COL11A2: variants seen among roughly 807,000 people sequenced by gnomAD.
COL11A2 encodes collagen alpha-2(XI) chain.
A neutral mutation model predicts 273.4 loss-of-function variants in COL11A2; 116 were observed. That is an observed-to-expected ratio of 0.42 (90% CI 0.36 to 0.49). The LOEUF (loss-of-function observed/expected upper bound fraction) is 0.49, where lower values mean the gene tolerates loss of function less well. Among genes scored for constraint, COL11A2 ranks in the 20% least tolerant of loss-of-function variants. The pLI, the probability that COL11A2 is intolerant of heterozygous loss-of-function variation, is 0.00. For synonymous variants in COL11A2, 782 were observed against 864.2 expected (o/e 0.90, Z 1.67); for missense variants, 1,866 against 2,309.0 (o/e 0.81, Z 3.93).
At position 33,190,711 on chromosome 6, in the gene COL11A2, C is replaced by T. The variant is rs1395096719; in HGVS notation, c.83-1242G>A. On this transcript the variant is annotated intron_variant, in intron 1 of 65. Coordinates refer to ENST00000341947, the MANE Select transcript of COL11A2 (RefSeq NM_080680.3). The surrounding 1 kb of genome is among the most constrained non-coding windows in gnomAD (Gnocchi z 4.5). ...AACCCCCACCTAAGCCTGGCCCCTG[C>T]GCGTGTGGCAGCTCCGCAAACACCA... is the stretch of plus-strand genomic sequence containing the variant. 1.3e-5 allele frequency among the ~76,000 whole-genome samples: 2 copies of T among 152,192 alleles called. No homozygotes were observed. Among genetic ancestry groups the T allele is most frequent in the African/African-American group, 2.4e-5 (1 of 41,512 alleles).
In COL11A2 at chr6:33,177,892, T is replaced by C. The variant is rs1201359911; in HGVS notation, c.1873-186A>G. The C allele has an allele frequency of 1.3e-6, 1 of 785,334 alleles. No individual in the cohort carries two copies. The highest frequency in any genetic ancestry group is 2.1e-6 in the Non-Finnish European group (1 of 476,640). The allele number at this position is 785,334 out of a possible 1,614,324, so 48.6% of individuals were successfully genotyped here. A position where few individuals can be genotyped will look rare whatever the true frequency, so the allele number is the denominator to read the frequency against. ...ATCTGTGGGCTTGTGGGCTTTGGTT[T>C]TGTTTTTCTTGAAGATTTATTTCCT... is the stretch of plus-strand genomic sequence containing the variant. On this transcript the variant is annotated intron_variant, in intron 21 of 65. Coordinates refer to ENST00000341947, the MANE Select transcript of COL11A2 (RefSeq NM_080680.3). This position sits in a 1 kb window ranked among gnomAD's most constrained non-coding sequence, Gnocchi z 5.9.
chr6:33,165,939 C>T lies in COL11A2; in HGVS notation c.4474G>A (p.Gly1492Arg). Residue 1492 changes from glycine (G) to arginine (R), a missense_variant, in exon 62 of 66, where the codon GGA becomes AGA. By Grantham distance (125) the Gly-to-Arg change is moderately radical. Transcript: ENST00000341947. The surrounding 1 kb of genome is among the most constrained non-coding windows in gnomAD (Gnocchi z 7.7). ...CCTGACTCCTCACTCACCGGGTGTC[C>T]TGGAGGGCCCTGCACACCCTTCTCT... ...KGEKGVQGPP[G>R]HPGPPGEVIQ... The T allele has an allele frequency of 6.2e-7, 1 of 1,613,978 alleles. No individual in the cohort carries two copies. Among genetic ancestry groups the T allele is most frequent in the Non-Finnish European group, 8.5e-7 (1 of 1,180,012 alleles).
intron 4 of COL11A2, 26 bp from the exon 5 acceptor site, chr6:33,186,844 C>T (rs371637980): frequency 1.1e-4 from 180 of 1,613,146 alleles, no homozygotes; most frequent in African/African-American, 8.8e-4. Context: ...AGAGATGGAG[C>T]GGAGAGATTC....
rs1425017838 is a variant in COL11A2, at chr6:33,179,641, C to T, written c.1446+78G>A. 4.5e-6 allele frequency: 7 copies of T among 1,558,446 alleles called. No individual in the cohort carries two copies. The highest frequency in any genetic ancestry group is 6.1e-6 in the Non-Finnish European group (7 of 1,140,136). On this transcript the variant is annotated intron_variant, in intron 13 of 65. Coordinates refer to ENST00000341947, the MANE Select transcript of COL11A2 (RefSeq NM_080680.3). This position sits in a 1 kb window ranked among gnomAD's most constrained non-coding sequence, Gnocchi z 6.4. ...TAACCCCAAACCAACCCAGGCCTCC[C>T]CTGCCGCACACTCACTCCAGCCAAC...
At position 33,179,946 on chromosome 6, in the gene COL11A2, T is replaced by G. The variant is rs1205576751; in HGVS notation, c.1360-141A>C. The G allele has an allele frequency of 1.2e-6, 1 of 819,878 alleles. No individual in the cohort carries two copies. Among genetic ancestry groups the G allele is most frequent in the Admixed American group, 2.0e-5 (1 of 50,058 alleles). 50.8% of individuals were successfully genotyped at this position (819,878 alleles called of 1,614,324 possible). A position where few individuals can be genotyped will look rare whatever the true frequency, so the allele number is the denominator to read the frequency against. ...TTCCCATGGCTTCCAGATAATCACT[T>G]AGAGGATTCCAGAAACTCAACTCCT... On this transcript the variant is annotated intron_variant, in intron 12 of 65. Transcript: ENST00000341947. The surrounding 1 kb of genome is among the most constrained non-coding windows in gnomAD (Gnocchi z 6.4).
At position 33,178,833 on chromosome 6, in the gene COL11A2, C is replaced by T; in HGVS notation, c.1665+87G>A. 1 of 1,608,578 alleles carries T rather than the reference C, an allele frequency of 6.2e-7. No individual in the cohort carries two copies. The highest frequency in any genetic ancestry group is 8.5e-7 in the Non-Finnish European group (1 of 1,176,198). On this transcript the variant is annotated intron_variant, in intron 17 of 65. Transcript: ENST00000341947. The surrounding 1 kb of genome is among the most constrained non-coding windows in gnomAD (Gnocchi z 4.6). ...GGGGGGGTGCTGATCCTGGGGAAGC[C>T]TGGAGAACTAGGTCATCCCCAAGAA...
intron 4 of COL11A2, among the ~76,000 whole-genome samples, chr6:33,187,756 T>C (rs2150617635): frequency 6.7e-6 from 1 of 149,610 alleles, no homozygotes; most frequent in African/African-American, 2.5e-5. Flanking sequence ...AGTGAGTATA[T>C]TGAAGGAGGG....
In COL11A2 at chr6:33,165,050, C is replaced by T. The variant is rs899055760; in HGVS notation, c.4751-86G>A. ...TGCCCCCACATTCCCTCTTCCCTCC[C>T]AGCCCTCCCCATCATGCTCTTAGTC... On this transcript the variant is annotated intron_variant, in intron 63 of 65. Transcript: ENST00000341947. The surrounding 1 kb of genome is among the most constrained non-coding windows in gnomAD (Gnocchi z 7.7). 28 of 990,784 alleles carry T rather than the reference C, an allele frequency of 2.8e-5. No homozygotes were observed. Among genetic ancestry groups the T allele is most frequent in the Non-Finnish European group, 4.2e-5 (27 of 641,488 alleles). 61.4% of individuals were successfully genotyped at this position (990,784 alleles called of 1,614,324 possible).
intron 6 of COL11A2, 66 bp from the exon 7 acceptor site, chr6:33,185,120 G>A (rs888106444): frequency 1.8e-5 from 22 of 1,235,356 alleles, no homozygotes; most frequent in Non-Finnish European, 2.4e-5. Flanking sequence ...GTTAGCAGAA[G>A]GGAGGCAAAG....
At chr6:33,183,300 A>G (rs1055132753) in intron 8 of COL11A2, among the ~76,000 whole-genome samples, 7 of 152,202 alleles carry the variant, frequency 4.6e-5, no homozygotes, top group African/African-American at 1.7e-4. Context: ...CTGAACAGAC[A>G]GGAAGCAGTG....
chr6:33,181,039 A>G lies in COL11A2; in HGVS notation c.1180-34T>C, dbSNP rs375005088. ...TCAAAGGTTAAAAATCAGAGGCGAC[A>G]GGACCAGCACACTCAACCCCACTTG... On this transcript the variant is annotated intron_variant, in intron 9 of 65. Transcript: ENST00000341947. 25 of 1,614,078 alleles carry G rather than the reference A, an allele frequency of 1.5e-5. No individual in the cohort carries two copies. In the East Asian group the frequency reaches 2.5e-4, roughly 16 times the overall value.
Position 33,179,831 on chromosome 6 carries a change from G to C in COL11A2, c.1360-26C>G. 6.3e-7 allele frequency: 1 copy of C among 1,598,434 alleles called. No individual in the cohort carries two copies. Among genetic ancestry groups the C allele is most frequent in the Non-Finnish European group, 8.5e-7 (1 of 1,172,406 alleles). ...CTGAGGTCAAGGAGAGAAGGTCCAG[G>C]TTCTCTTCCAAGAAAGCCATGGGAC... On this transcript the variant is annotated intron_variant, in intron 12 of 65. Coordinates refer to ENST00000341947, the MANE Select transcript of COL11A2 (RefSeq NM_080680.3). This position sits in a 1 kb window ranked among gnomAD's most constrained non-coding sequence, Gnocchi z 6.4.
chr6:33,175,655 C>T lies in COL11A2; in HGVS notation c.2295G>A (p.Arg765=), dbSNP rs962608488. ...DRGEVGVPGS[R]GEDGPEGPKG... Reference sequence around the variant, plus strand: ...TTGGCCCCTCAGGACCATCCTCTCCCCTGGAACCAGGGACTCCAACTTCGC... The same window carrying T: ...TTGGCCCCTCAGGACCATCCTCTCCTCTGGAACCAGGGACTCCAACTTCGC... The change falls in exon 30 of 66, where the codon AGG becomes AGA. Residue 765 remains arginine, a synonymous_variant. Coordinates refer to ENST00000341947, the MANE Select transcript of COL11A2 (RefSeq NM_080680.3). 1.9e-6 allele frequency: 3 copies of T among 1,613,020 alleles called. No individual in the cohort carries two copies. Among genetic ancestry groups the T allele is most frequent in the Non-Finnish European group, 2.5e-6 (3 of 1,180,018 alleles).
intron 43 of COL11A2, 66 bp downstream of exon 43, chr6:33,171,401 G>A: frequency 6.2e-7 from 1 of 1,605,978 alleles, no homozygotes; most frequent in South Asian, 1.1e-5. Flanking sequence ...AGGGGCCAGG[G>A]GTCATGCCCA....
rs2150584297 is a variant in COL11A2 at position 33,180,297 on chromosome 6, A to G, written c.1320T>C (p.Asp440=). The change falls in exon 12 of 66, where the codon GAT becomes GAC. Residue 440 remains aspartate, a synonymous_variant. Coordinates refer to ENST00000341947, the MANE Select transcript of COL11A2 (RefSeq NM_080680.3). ...ATGTGCCAGGAGGACCAGGAGCCCC[A>G]TCTGATCCAGGGAGCCCTGCTCGGC... ...PPGRAGLPGS[D]GAPGPPGTSL... 1 of 1,612,982 alleles carries G rather than the reference A, an allele frequency of 6.2e-7. No homozygotes were observed. Among genetic ancestry groups the G allele is most frequent in the Non-Finnish European group, 8.5e-7 (1 of 1,180,034 alleles).
In COL11A2 at chr6:33,177,560, C is replaced by A; in HGVS notation, c.1918-95G>T. The A allele has an allele frequency of 6.3e-7, 1 of 1,586,832 alleles. No homozygotes were observed. The highest frequency in any genetic ancestry group is 1.7e-5 in the Admixed American group (1 of 59,252). On this transcript the variant is annotated intron_variant, in intron 22 of 65. Coordinates refer to ENST00000341947, the MANE Select transcript of COL11A2 (RefSeq NM_080680.3). This position sits in a 1 kb window ranked among gnomAD's most constrained non-coding sequence, Gnocchi z 5.9. ...GTCCCAGCAGCGATAGCCAAGAAGG[C>A]AAGAGCAGGAAGCAGGCAGGGGTCA...
Position 33,178,310 on chromosome 6 carries a change from A to T in COL11A2, c.1816T>A (p.Ser606Thr), listed in dbSNP as rs141062208. 2 of 1,610,672 alleles carry T rather than the reference A, an allele frequency of 1.2e-6. No homozygotes were observed. The highest frequency in any genetic ancestry group is 1.7e-6 in the Non-Finnish European group (2 of 1,179,410). Reference sequence around the variant, plus strand: ...AGCACCAGCCCTTGGACACTCACCGACTCTCCAGGCAGCCCTCGAGGCCCA... The same window carrying T: ...AGCACCAGCCCTTGGACACTCACCGTCTCTCCAGGCAGCCCTCGAGGCCCA... The part of the protein sequence containing the change: ...EIGPRGLPGE[S>T]GPRGLLGPKG... Residue 606 changes from serine to threonine, a missense_variant and splice_region_variant, in exon 20 of 66, where the codon TCG becomes ACG. Coordinates refer to ENST00000341947, the MANE Select transcript of COL11A2 (RefSeq NM_080680.3). This position sits in a 1 kb window ranked among gnomAD's most constrained non-coding sequence, Gnocchi z 4.6.
At position 33,166,211 on chromosome 6, in the gene COL11A2, G is replaced by A. The variant is rs1769116225; in HGVS notation, c.4393-5C>T. ...TCCTTTGGGGCCAGCAGGTCCCTGT[G>A]AAATGAGGAACAAGAAAGAGACGGT... On this transcript the variant is annotated splice_polypyrimidine_tract_variant and splice_region_variant and intron_variant, in intron 60 of 65. Coordinates refer to ENST00000341947, the MANE Select transcript of COL11A2 (RefSeq NM_080680.3). The surrounding 1 kb of genome is among the most constrained non-coding windows in gnomAD (Gnocchi z 4.8). The A allele has an allele frequency of 1.3e-6, 2 of 1,597,768 alleles. No homozygotes were observed. The highest frequency in any genetic ancestry group is 1.7e-6 in the Non-Finnish European group (2 of 1,173,032).
Position 33,179,709 on chromosome 6 carries a change from C to G in COL11A2, c.1446+10G>C, listed in dbSNP as rs1771469678. The G allele has an allele frequency of 6.2e-7, 1 of 1,611,134 alleles. No homozygotes were observed. The highest frequency in any genetic ancestry group is 2.2e-5 in the East Asian group (1 of 44,890). ...GAGCCTTCCCTTTCCAGGGAAGCAG[C>G]CCCACTCACCCTCGCCTGCTGCAGG... On this transcript the variant is annotated intron_variant, in intron 13 of 65. Transcript: ENST00000341947. This position sits in a 1 kb window ranked among gnomAD's most constrained non-coding sequence, Gnocchi z 6.4.
Sources: allele counts gnomAD v4.1 joint callset (sites outside exome capture counted in the v4.1 genomes callset), GRCh38; gene constraint gnomAD v4.1.1; non-coding constraint Gnocchi (gnomAD v3.1); transcripts MANE v1.5; gene names NCBI Gene and HGNC (gene_info 2026-07-23, HGNC 2026-07-21).